The following APCDD1 variants were observed in gnomAD, a reference collection of about 807,000 sequenced individuals.
APCDD1 encodes APC down-regulated 1.
A neutral mutation model predicts 38.1 loss-of-function variants in APCDD1; 15 were observed. The observed-to-expected ratio is 0.39, with a 90% CI of 0.26 to 0.61. APCDD1 has a LOEUF of 0.61. APCDD1 is among the 20% of genes least tolerant of loss of function. The pLI is 0.49. For missense variants in APCDD1, 647 were observed against 696.2 expected (o/e 0.93, Z 0.79); for synonymous variants, 261 against 279.7 (o/e 0.93, Z 0.67).
In APCDD1 at chr18:10,457,010, A is replaced by C. The variant is rs1039789337; in HGVS notation, c.58+1971A>C. Among the ~76,000 whole-genome samples the C allele has an allele frequency of 2.0e-5, 3 of 152,264 alleles. 1 individual carries two copies. Among genetic ancestry groups the C allele is most frequent in the Middle Eastern group, 6.8e-3 (2 of 294 alleles). On this transcript the variant is annotated intron_variant, in intron 1 of 4. Coordinates refer to ENST00000355285, the MANE Select transcript of APCDD1 (RefSeq NM_153000.5). The stretch of plus-strand genomic sequence containing the variant: ...ATGTATATATGAAGATAAGATAAAA[A>C]GGGAGGTTTGCAAAGTTGAGTTGGG...
rs950853420 is a variant in APCDD1, at chr18:10,467,246, T to A, written c.59-1223T>A. 6.6e-6 allele frequency among the ~76,000 whole-genome samples: 1 copy of A among 152,252 alleles called. No individual in the cohort carries two copies. The highest frequency in any genetic ancestry group is 6.5e-5 in the Admixed American group (1 of 15,288). On this transcript the variant is annotated intron_variant, in intron 1 of 4. Transcript: ENST00000355285. This position sits in a 1 kb window ranked among gnomAD's most constrained non-coding sequence, Gnocchi z 4.8. ...CTGAATCTAACTTCTCATTTTCAAA[T>A]CATCTCTCAGAAACCGTGCCTTCTC...
intron 2 of APCDD1, 54 bp downstream of exon 2, chr18:10,468,706 AC>A (rs1239210845): frequency 6.3e-7 from 1 of 1,580,778 alleles, no homozygotes; most frequent in Non-Finnish European, 8.7e-7. Context: ...ACTATGGAAG[AC>A]CCTTCTTATG....
At chr18:10,468,679 A>T in intron 2 of APCDD1, 27 bp downstream of exon 2, 1 of 1,611,058 alleles carries the variant, frequency 6.2e-7, no homozygotes, top group African/African-American at 1.3e-5. Flanking sequence ...GGTCTGGGAG[A>T]GGCCAGAGAG....
Position 10,487,548 on chromosome 18 carries a change from C to T in APCDD1, c.1097-42C>T, listed in dbSNP as rs143654273. 237 of 1,599,534 alleles carry T rather than the reference C, an allele frequency of 1.5e-4. 2 individuals are homozygous for T. The East Asian group carries it at 5.2e-3, about 35-fold the overall frequency. On this transcript the variant is annotated intron_variant, in intron 4 of 4. Coordinates refer to ENST00000355285, the MANE Select transcript of APCDD1 (RefSeq NM_153000.5). ...TCTGGGTGGGTTTCTGGATCCCACG[C>T]CTACTCCCTGGAGTCATGGAACTCT...
intron 4 of APCDD1, among the ~76,000 whole-genome samples, chr18:10,486,991 C>T (rs1050151219): frequency 1.3e-5 from 2 of 152,182 alleles, no homozygotes; most frequent in African/African-American, 2.4e-5. Flanking sequence ...ACGGAAGTGG[C>T]CCCCTGGAGG....
intron 1 of APCDD1, among the ~76,000 whole-genome samples, chr18:10,460,851 C>G (rs1332694833): frequency 6.6e-6 from 1 of 152,180 alleles, no homozygotes; most frequent in Non-Finnish European, 1.5e-5. Context: ...ATGGCTCTAG[C>G]AGAAGTACTG....
intron 2 of APCDD1, among the ~76,000 whole-genome samples, 165 bp downstream of exon 2, chr18:10,468,817 A>G (rs945759916): frequency 6.6e-6 from 1 of 152,268 alleles, no homozygotes; most frequent in Admixed American, 6.5e-5. Flanking sequence ...TGGTTGGTTA[A>G]GAAAAAGAGC....
Position 10,476,147 on chromosome 18 carries a change from C to T in APCDD1, c.774+4086C>T, listed in dbSNP as rs2030996079. Reference sequence around the variant, plus strand: ...AGGCTGGAACCTCCTCCTTTGAACTCTTCTACTTCCCTAATTGCTGGTCCA... The same window carrying T: ...AGGCTGGAACCTCCTCCTTTGAACTTTTCTACTTCCCTAATTGCTGGTCCA... On this transcript the variant is annotated intron_variant, in intron 3 of 4. Transcript: ENST00000355285. This position sits in a 1 kb window ranked among gnomAD's most constrained non-coding sequence, Gnocchi z 5.8. 6.6e-6 allele frequency: 1 copy of T among 152,244 alleles called. No individual in the cohort carries two copies. The highest frequency in any genetic ancestry group is 2.1e-4 in the South Asian group (1 of 4,838). 9.4% of individuals were successfully genotyped at this position (152,244 alleles called of 1,614,324 possible).
chr18:10,455,653 A>C (rs2143499996), intron 1 of APCDD1, among the ~76,000 whole-genome samples: 1 of 152,306 alleles, frequency 6.6e-6, no homozygotes, highest in South Asian at 2.1e-4. Context: ...CCTATTAGCC[A>C]AGATTTAATC....
At chr18:10,479,187 C>T (rs956369463) in intron 3 of APCDD1, among the ~76,000 whole-genome samples, 1 of 152,150 alleles carries the variant, frequency 6.6e-6, no homozygotes, top group Non-Finnish European at 1.5e-5. Context: ...AAGTTTTCAA[C>T]GTGGGCCATT....
chr18:10,487,203 C>T (rs150148185), intron 4 of APCDD1, among the ~76,000 whole-genome samples: 5 of 152,176 alleles, frequency 3.3e-5, no homozygotes, highest in African/African-American at 1.2e-4. Context: ...AAATTCCAGC[C>T]TTTGTTGAAT....
Position 10,454,695 on chromosome 18 carries a change from G to A in APCDD1, c.-287G>A. ...ACTGCAGCTCAGAGCGGCGCACGCG[G>A]CGGCCGGGGCGGGACGCGGGGCCGG... On this transcript the variant is annotated 5_prime_UTR_variant, in exon 1 of 5. Transcript: ENST00000355285. 1 of 984,796 alleles carries A rather than the reference G, an allele frequency of 1.0e-6. No homozygotes were observed. 61.0% of individuals were successfully genotyped at this position (984,796 alleles called of 1,614,324 possible).
chr18:10,474,792 C>G (rs1048279357), intron 3 of APCDD1, among the ~76,000 whole-genome samples: 1 of 152,160 alleles, frequency 6.6e-6, no homozygotes, highest in Non-Finnish European at 1.5e-5. Flanking sequence ...CGTCAATGTC[C>G]CTCTGCAGAC....
chr18:10,469,182 A>G lies in APCDD1; in HGVS notation c.242+530A>G, dbSNP rs2030791693. Among the ~76,000 whole-genome samples the G allele has an allele frequency of 1.3e-5, 2 of 152,110 alleles. No individual in the cohort carries two copies. Among genetic ancestry groups the G allele is most frequent in the Admixed American group, 1.3e-4 (2 of 15,266 alleles). The stretch of plus-strand genomic sequence containing the variant: ...TGAGCTCTGGCTTATCTTCCATTAG[A>G]GCTTTTAAAAATAGCCGAGAGGCAG... On this transcript the variant is annotated intron_variant, in intron 2 of 4. Transcript: ENST00000355285. This position sits in a 1 kb window ranked among gnomAD's most constrained non-coding sequence, Gnocchi z 5.5.
rs1013841492 is a variant in APCDD1 at position 10,474,520 on chromosome 18, C to G, written c.774+2459C>G. Among the ~76,000 whole-genome samples the G allele has an allele frequency of 3.3e-5, 5 of 152,362 alleles. No individual in the cohort carries two copies. The East Asian group carries it at 7.7e-4, about 24-fold the overall frequency. ...GCGGGCGTGGGCCGGGCTGTGGGCTCCGAACCCGACCTTGGACTAGTCCTT... is the reference window on the plus strand; with the variant it reads ...GCGGGCGTGGGCCGGGCTGTGGGCTGCGAACCCGACCTTGGACTAGTCCTT... On this transcript the variant is annotated intron_variant, in intron 3 of 4. Coordinates refer to ENST00000355285, the MANE Select transcript of APCDD1 (RefSeq NM_153000.5).
Position 10,485,613 on chromosome 18 carries a change from TCACCCGC to T in APCDD1, c.930_936del (p.Arg311SerfsTer54). On this transcript the variant is annotated frameshift_variant, in exon 4 of 5. Transcript: ENST00000355285. LOFTEE classifies it high-confidence loss of function. The surrounding 1 kb of genome is among the most constrained non-coding windows in gnomAD (Gnocchi z 5.8). ...GAGGTGCGCCCCGAAGTCCTCTTCCTCACCCGCCACTTCATCTTCCATGACAACAACA... is the reference window on the plus strand; with the variant it reads ...GAGGTGCGCCCCGAAGTCCTCTTCCTCACTTCATCTTCCATGACAACAACA... 1 of 1,613,178 alleles carries T rather than the reference TCACCCGC, an allele frequency of 6.2e-7. No individual in the cohort carries two copies. Among genetic ancestry groups the T allele is most frequent in the South Asian group, 1.1e-5 (1 of 91,014 alleles).
At position 10,455,050 on chromosome 18, in the gene APCDD1, G is replaced by A; in HGVS notation, c.58+11G>A. Reference sequence around the variant, plus strand: ...CCCTCCTGCTTCACGGTGAGTTCCCGAGGGCCACTCGAGCGCTCCCAGCCG... The same window carrying A: ...CCCTCCTGCTTCACGGTGAGTTCCCAAGGGCCACTCGAGCGCTCCCAGCCG... On this transcript the variant is annotated intron_variant, in intron 1 of 4. Coordinates refer to ENST00000355285, the MANE Select transcript of APCDD1 (RefSeq NM_153000.5). 1 of 1,560,994 alleles carries A rather than the reference G, an allele frequency of 6.4e-7. No homozygotes were observed. The highest frequency in any genetic ancestry group is 8.7e-7 in the Non-Finnish European group (1 of 1,152,932).
chr18:10,461,291 A>G (rs2030535187), intron 1 of APCDD1, among the ~76,000 whole-genome samples: 1 of 152,150 alleles, frequency 6.6e-6, no homozygotes. Flanking sequence ...TTTGTTTCTA[A>G]CAGATGAACC....
At chr18:10,456,465 T>C (rs904058980) in intron 1 of APCDD1, among the ~76,000 whole-genome samples, 1 of 152,136 alleles carries the variant, frequency 6.6e-6, no homozygotes, top group Non-Finnish European at 1.5e-5. Context: ...ATTGTCCCCC[T>C]TAAAAAAATT....
Sources: allele counts gnomAD v4.1 joint callset (sites outside exome capture counted in the v4.1 genomes callset), GRCh38; gene constraint gnomAD v4.1.1; non-coding constraint Gnocchi (gnomAD v3.1); transcripts MANE v1.5; gene names NCBI Gene and HGNC (gene_info 2026-07-23, HGNC 2026-07-21).